The following CYTIP variants were observed in gnomAD, a reference collection of about 807,000 sequenced individuals.
The protein encoded by CYTIP is cytohesin 1 interacting protein, also known as cytohesin-interacting protein.
CYTIP carries 26 observed loss-of-function variants against 43.8 expected under a neutral mutation model. That is an observed-to-expected ratio of 0.59 (90% confidence interval 0.44 to 0.82). The LOEUF (loss-of-function observed/expected upper bound fraction) is 0.82. CYTIP is among the 40% of genes least tolerant of loss of function. The probability of loss-of-function intolerance (pLI) is 0.00; values close to 1 mark genes in which losing one functional copy is unlikely to be tolerated. For missense variants in CYTIP, 426 were observed against 443.1 expected (o/e 0.96, Z 0.35); for synonymous variants, 162 against 162.9 (o/e 0.99, Z 0.04).
intron 3 of CYTIP, among the ~76,000 whole-genome samples, chr2:157,433,605 A>C (rs3769379): frequency 0.036 from 5,406 of 152,190 alleles, 163 homozygotes; most frequent in African/African-American, 0.081. Flanking sequence ...GAAAAAAAAA[A>C]CAGAAATGCT....
chr2:157,427,273 T>G (rs1685627094), intron 6 of CYTIP, 78 bp downstream of exon 6: 1 of 1,209,932 alleles, frequency 8.3e-7, no homozygotes, highest in African/African-American at 1.5e-5. Context: ...GCTATCTCAG[T>G]TCCTCAAATA....
In CYTIP at chr2:157,443,860, C is replaced by T. The variant is rs777428244; in HGVS notation, c.161G>A (p.Arg54Gln). ...MLADTVATLP[R>Q]GRKQLALTRS... ...TAGCAATCATACCTGCTTTCGTCCC[C>T]GAGGCAGAGTAGCCACCGTGTCTGC... The change falls in exon 1 of 8, where the codon CGG becomes CAG. Residue 54 changes from arginine to glutamine, a missense_variant. Arg to Gln is a conservative substitution (Grantham distance 43). Transcript: ENST00000264192. The T allele has an allele frequency of 6.2e-6, 10 of 1,613,872 alleles. No individual in the cohort carries two copies. The East Asian group carries it at 6.7e-5, about 11-fold the overall frequency.
At chr2:157,437,677 C>A (rs547348450) in intron 1 of CYTIP, among the ~76,000 whole-genome samples, 15 of 128,722 alleles carry the variant, frequency 1.2e-4, no homozygotes, top group African/African-American at 4.1e-4. Context: ...TCCAGCCTGG[C>A]GACAGAGTGA....
intron 1 of CYTIP, among the ~76,000 whole-genome samples, chr2:157,440,761 CTTGT>C (rs1349897306): frequency 6.6e-6 from 1 of 152,158 alleles, no homozygotes; most frequent in Non-Finnish European, 1.5e-5. Context: ...AGTTTGTGGA[CTTGT>C]TTGTCAGGTC....
chr2:157,422,140 C>T lies in CYTIP; in HGVS notation c.547-3551G>A, dbSNP rs1340762685. The stretch of plus-strand genomic sequence containing the variant: ...CAGCCTCGTGACCTGAGCCAAACAG[C>T]TCACTGAGTCTTCAGGAAAGGCACG... On this transcript the variant is annotated intron_variant, in intron 6 of 7. Transcript: ENST00000264192. Among the ~76,000 whole-genome samples, 12 of 152,136 alleles carry T rather than the reference C, an allele frequency of 7.9e-5. 1 individual carries two copies. The highest frequency in any genetic ancestry group is 7.9e-4 in the Admixed American group (12 of 15,282).
chr2:157,437,393 G>T (rs1416209297), intron 1 of CYTIP, among the ~76,000 whole-genome samples: 2 of 151,908 alleles, frequency 1.3e-5, no homozygotes, highest in African/African-American at 4.8e-5. Flanking sequence ...GATCTGAACA[G>T]ACGTTCCTCA....
rs144040589 is a variant in CYTIP, at chr2:157,420,532, AT to A, written c.547-1944del. Reference sequence around the variant, plus strand: ...ACTTTGTCTCAAAAATAAATAAATAATTTTTTTAAAAAAGAGGCTGATGTAG... The same window carrying A: ...ACTTTGTCTCAAAAATAAATAAATAATTTTTTAAAAAAGAGGCTGATGTAG... On this transcript the variant is annotated intron_variant, in intron 6 of 7. Transcript: ENST00000264192. Among the ~76,000 whole-genome samples, 299 of 151,484 alleles carry A rather than the reference AT, an allele frequency of 2.0e-3. 1 individual carries two copies. Among genetic ancestry groups the A allele is most frequent in the Non-Finnish European group, 3.2e-3 (219 of 67,902 alleles).
intron 6 of CYTIP, among the ~76,000 whole-genome samples, chr2:157,421,286 C>G (rs532828153): frequency 6.6e-6 from 1 of 152,338 alleles, no homozygotes; most frequent in Non-Finnish European, 1.5e-5. Flanking sequence ...AGCAGCTACT[C>G]AGTAAATAAT....
In CYTIP at chr2:157,443,965, C is replaced by A; in HGVS notation, c.56G>T (p.Cys19Phe). 1 of 1,614,142 alleles carries A rather than the reference C, an allele frequency of 6.2e-7. No individual in the cohort carries two copies. The highest frequency in any genetic ancestry group is 8.5e-7 in the Non-Finnish European group (1 of 1,179,988). The change falls in exon 1 of 8, where the codon TGC becomes TTC. Residue 19 changes from cysteine (C) to phenylalanine (F), a missense_variant. Transcript: ENST00000264192. ...HSSNGNLADFCAGPAYSSYST... is the reference protein window; with the variant it reads ...HSSNGNLADFFAGPAYSSYST... ...GTAAGAGCTATACGCTGGCCCAGCG[C>A]AGAAGTCCGCCAAATTGCCATTGCT...
At chr2:157,421,326 T>C (rs1255601254) in intron 6 of CYTIP, among the ~76,000 whole-genome samples, 1 of 152,190 alleles carries the variant, frequency 6.6e-6, no homozygotes, top group East Asian at 1.9e-4. Flanking sequence ...AATAATGGCT[T>C]CCTAAAACAA....
chr2:157,443,520 GAA>G (rs1434137473), intron 1 of CYTIP, among the ~76,000 whole-genome samples: 2 of 152,156 alleles, frequency 1.3e-5, no homozygotes, highest in Non-Finnish European at 2.9e-5. Context: ...ACACAATGGG[GAA>G]AAGAGAATTA....
Position 157,415,488 on chromosome 2 carries a change from TTG to T in CYTIP, c.*187_*188del. ...TTTAGTTTTCCTGTCTGCTTAGAAATTGGCTGTTTAGGTTGAAAAATGATTTA... is the reference window on the plus strand; with the variant it reads ...TTTAGTTTTCCTGTCTGCTTAGAAATGCTGTTTAGGTTGAAAAATGATTTA... On this transcript the variant is annotated 3_prime_UTR_variant, in exon 8 of 8. Coordinates refer to ENST00000264192, the MANE Select transcript of CYTIP (RefSeq NM_004288.5). 1.8e-6 allele frequency: 1 copy of T among 541,924 alleles called. No individual in the cohort carries two copies. The highest frequency in any genetic ancestry group is 3.3e-6 in the Non-Finnish European group (1 of 300,552). The allele number at this position is 541,924 out of a possible 1,614,324, so 33.6% of individuals were successfully genotyped here.
At chr2:157,431,641 G>C (rs1198655302) in intron 3 of CYTIP, among the ~76,000 whole-genome samples, 3 of 152,130 alleles carry the variant, frequency 2.0e-5, no homozygotes, top group African/African-American at 7.2e-5. Context: ...CCAAAACACT[G>C]AATAAATGTT....
chr2:157,416,982 A>T (rs79644152), intron 7 of CYTIP, among the ~76,000 whole-genome samples: 4,481 of 144,602 alleles, frequency 0.031, 128 homozygotes, highest in East Asian at 0.092. Flanking sequence ...TGTGTGTGTG[A>T]GAGAGAGAGA....
At chr2:157,421,826 A>C (rs576645199) in intron 6 of CYTIP, among the ~76,000 whole-genome samples, 37 of 152,358 alleles carry the variant, frequency 2.4e-4, no homozygotes, top group African/African-American at 8.7e-4. Flanking sequence ...TTTTGGCTCA[A>C]GAGTTAAACG....
intron 7 of CYTIP, among the ~76,000 whole-genome samples, chr2:157,416,430 A>C (rs558491275): frequency 5.1e-4 from 77 of 152,274 alleles, no homozygotes; most frequent in African/African-American, 1.7e-3. Flanking sequence ...GTTCAGCCCA[A>C]TTGACAGTCT....
At position 157,421,256 on chromosome 2, in the gene CYTIP, T is replaced by G. The variant is rs1243314519; in HGVS notation, c.547-2667A>C. Among the ~76,000 whole-genome samples the G allele has an allele frequency of 2.6e-5, 4 of 152,244 alleles. No individual in the cohort carries two copies. The East Asian group carries it at 7.7e-4, about 29-fold the overall frequency. ...CTGGGCAGCATCACCTCACTGTGCC[T>G]AGTTCAGTGCCAGCTACATAGCAGC... On this transcript the variant is annotated intron_variant, in intron 6 of 7. Transcript: ENST00000264192.
intron 7 of CYTIP, 95 bp from the exon 8 acceptor site, chr2:157,416,238 G>C (rs1685439218): frequency 9.7e-7 from 1 of 1,026,028 alleles, no homozygotes; most frequent in South Asian, 1.7e-5. Context: ...ACACGAGAAA[G>C]AGTAAGGGTG....
chr2:157,422,715 T>G (rs922569242), intron 6 of CYTIP, among the ~76,000 whole-genome samples: 43 of 142,002 alleles, frequency 3.0e-4, no homozygotes, highest in Non-Finnish European at 5.9e-4. Flanking sequence ...GACTTTAAAA[T>G]AAGAATTTTT....
Sources: gnomAD v4.1 joint callset for allele counts (sites outside exome capture counted in the v4.1 genomes callset) on GRCh38, gnomAD v4.1.1 for gene constraint, MANE v1.5 for transcripts, NCBI Gene and HGNC (gene_info 2026-07-23, HGNC 2026-07-21) for gene names.